SCN3A: variants seen among roughly 807,000 people sequenced by gnomAD.
SCN3A encodes sodium channel protein type 3 subunit alpha.
In SCN3A, 60 loss-of-function variants were observed where a neutral mutation model predicts 187.6. The observed-to-expected ratio is 0.32, with a 90% CI of 0.26 to 0.40. SCN3A has a LOEUF of 0.40. Ranked by LOEUF, SCN3A falls within the 10% of genes least tolerant of loss-of-function variation. SCN3A has a pLI of 1.00. For synonymous variants in SCN3A, 788 were observed against 829.2 expected (o/e 0.95, Z 0.85); for missense variants, 1,601 against 2,428.2 (o/e 0.66, Z 7.16).
At chr2:165,128,756 T>G (rs1687144461) in intron 17 of SCN3A, among the ~76,000 whole-genome samples, 1 of 152,074 alleles carries the variant, frequency 6.6e-6, no homozygotes, top group South Asian at 2.1e-4. Flanking sequence ...GGGTTTAGGC[T>G]AGACCCACAT....
intron 2 of SCN3A, among the ~76,000 whole-genome samples, chr2:165,181,579 T>C (rs546694504): frequency 2.0e-4 from 30 of 152,336 alleles, no homozygotes; most frequent in Non-Finnish European, 3.2e-4. Flanking sequence ...CAAATTCCAA[T>C]TTCCTCTTGA....
At chr2:165,190,906 C>G (rs527843574) in intron 1 of SCN3A, among the ~76,000 whole-genome samples, 7 of 152,048 alleles carry the variant, frequency 4.6e-5, no homozygotes, top group African/African-American at 1.7e-4. Flanking sequence ...GGGCTAACTT[C>G]TTGTTAAAAC....
chr2:165,162,782 A>C lies in SCN3A; in HGVS notation c.741T>G (p.Leu247=). ...ACACAGTCAGGATCATCACATCAGA[A>C]AGCTTCTTTACCGACTGGATCAGGG... The part of the protein sequence containing the change: ...VGALIQSVKK[L]SDVMILTVFC... Residue 247 remains leucine, a synonymous_variant, in exon 8 of 28, where the codon CTT becomes CTG. Coordinates refer to ENST00000283254, the MANE Select transcript of SCN3A (RefSeq NM_006922.4). 6.2e-7 allele frequency: 1 copy of C among 1,614,074 alleles called. No individual in the cohort carries two copies. Among genetic ancestry groups the C allele is most frequent in the Non-Finnish European group, 8.5e-7 (1 of 1,179,994 alleles).
intron 15 of SCN3A, among the ~76,000 whole-genome samples, chr2:165,134,851 T>G (rs959393358): frequency 6.6e-6 from 1 of 152,032 alleles, no homozygotes; most frequent in East Asian, 1.9e-4. Flanking sequence ...AATCTACAAA[T>G]ATCTCTTTCT....
chr2:165,160,540 A>G (rs946902233), intron 9 of SCN3A, among the ~76,000 whole-genome samples: 1 of 152,164 alleles, frequency 6.6e-6, no homozygotes, highest in Non-Finnish European at 1.5e-5. Context: ...TTTATCCAAA[A>G]TTTTATCTGG....
chr2:165,129,856 G>A (rs893708265), intron 17 of SCN3A, 84 bp downstream of exon 17: 1 of 1,533,392 alleles, frequency 6.5e-7, no homozygotes, highest in African/African-American at 1.4e-5. Context: ...CTATAAACCA[G>A]AGATATGTTT....
In SCN3A at chr2:165,088,560, ATATAT is replaced by A. The variant is rs1233241140; in HGVS notation, c.*1585_*1589del. 2 of 152,550 alleles carry A rather than the reference ATATAT, an allele frequency of 1.3e-5. No homozygotes were observed. The highest frequency in any genetic ancestry group is 2.1e-4 in the South Asian group (1 of 4,830). 9.4% of individuals were successfully genotyped at this position (152,550 alleles called of 1,614,324 possible). ...GTATCTCCTATTGGAATGGTAGAAAATATATTATAACAAAGAAATCCATAAAACCC... is the reference window on the plus strand; with the variant it reads ...GTATCTCCTATTGGAATGGTAGAAAATATAACAAAGAAATCCATAAAACCC... On this transcript the variant is annotated 3_prime_UTR_variant, in exon 28 of 28. Transcript: ENST00000283254.
Position 165,145,101 on chromosome 2 carries a change from A to G in SCN3A, c.1671+1638T>C, listed in dbSNP as rs144897280. On this transcript the variant is annotated intron_variant, in intron 12 of 27. Transcript: ENST00000283254. Reference sequence around the variant, plus strand: ...TTTCTATATATTGCTTAGTCCCCTAAATCTCTTTAATGTAGGTATTCTTAC... The same window carrying G: ...TTTCTATATATTGCTTAGTCCCCTAGATCTCTTTAATGTAGGTATTCTTAC... Among the ~76,000 whole-genome samples, 20 of 152,260 alleles carry G rather than the reference A, an allele frequency of 1.3e-4. No homozygotes were observed. In the East Asian group the frequency reaches 3.9e-3, roughly 29 times the overall value.
At chr2:165,096,885 C>A (rs1223360806) in intron 23 of SCN3A, among the ~76,000 whole-genome samples, 1 of 151,932 alleles carries the variant, frequency 6.6e-6, no homozygotes, top group Non-Finnish European at 1.5e-5. Flanking sequence ...AATTATCTGG[C>A]TAATAATTTA....
chr2:165,176,975 A>G (rs1215037016), intron 2 of SCN3A, among the ~76,000 whole-genome samples: 1 of 152,270 alleles, frequency 6.6e-6, no homozygotes, highest in East Asian at 1.9e-4. Context: ...TGAGGATAGA[A>G]AATGAAGTTT....
intron 5 of SCN3A, among the ~76,000 whole-genome samples, chr2:165,167,345 T>A (rs62174952): frequency 6.6e-6 from 1 of 151,768 alleles, no homozygotes; most frequent in African/African-American, 2.4e-5. Context: ...TTACAATAAT[T>A]TCTAGGCAGC....
chr2:165,118,411 G>A (rs1294757637), intron 18 of SCN3A, among the ~76,000 whole-genome samples: 1 of 152,094 alleles, frequency 6.6e-6, no homozygotes, highest in African/African-American at 2.4e-5. Context: ...ATGCTCAGAG[G>A]GAATCTTGGC....
At chr2:165,166,403 T>TCAATTCTGTCTATGTCACAGAA (rs142303654) in intron 5 of SCN3A, among the ~76,000 whole-genome samples, 2 of 151,750 alleles carry the variant, frequency 1.3e-5, no homozygotes, top group African/African-American at 4.8e-5. Context: ...AATCAAGCTG[T>TCAATTCTGTCTATGTCACAGAA]CAATTCTGTC....
At chr2:165,153,285 A>G (rs1011060668) in intron 11 of SCN3A, among the ~76,000 whole-genome samples, 1 of 152,162 alleles carries the variant, frequency 6.6e-6, no homozygotes, top group Non-Finnish European at 1.5e-5. Flanking sequence ...ATGTTATACA[A>G]AAATTAACTA....
intron 9 of SCN3A, among the ~76,000 whole-genome samples, chr2:165,158,756 C>T (rs186062625): frequency 7.3e-6 from 1 of 137,646 alleles, no homozygotes; most frequent in Admixed American, 7.6e-5. Context: ...TTTTTAATCA[C>T]TCAGTAATAT....
chr2:165,100,851 T>C (rs1023381249), intron 21 of SCN3A, among the ~76,000 whole-genome samples: 2 of 152,236 alleles, frequency 1.3e-5, no homozygotes, highest in Admixed American at 6.5e-5. Context: ...GTAATAGCGT[T>C]CACTGATTAG....
chr2:165,169,663 C>T (rs1689989901), intron 4 of SCN3A, among the ~76,000 whole-genome samples: 1 of 151,792 alleles, frequency 6.6e-6, no homozygotes, highest in African/African-American at 2.4e-5. Flanking sequence ...GTTTCATTTG[C>T]CCTGTCTCTA....
chr2:165,127,534 C>G lies in SCN3A; in HGVS notation c.3393+97G>C, dbSNP rs948266006. 4.3e-5 allele frequency: 40 copies of G among 934,922 alleles called. 1 individual carries two copies. In the Admixed American group the frequency reaches 7.0e-4, roughly 16 times the overall value. 57.9% of individuals were successfully genotyped at this position (934,922 alleles called of 1,614,324 possible). On this transcript the variant is annotated intron_variant, in intron 18 of 27. Coordinates refer to ENST00000283254, the MANE Select transcript of SCN3A (RefSeq NM_006922.4). ...TATAGACATATGACTTTCAATATTG[C>G]TTTTTGATAATGCATATAAGCACAA...
intron 2 of SCN3A, among the ~76,000 whole-genome samples, chr2:165,186,316 G>T (rs1490695040): frequency 2.0e-5 from 3 of 151,700 alleles, no homozygotes; most frequent in African/African-American, 7.3e-5. Context: ...AAAAAAAACT[G>T]AGTTAATCTC....
Sources: allele counts gnomAD v4.1 joint callset (sites outside exome capture counted in the v4.1 genomes callset), GRCh38; gene constraint gnomAD v4.1.1; transcripts MANE v1.5; gene names NCBI Gene and HGNC (gene_info 2026-07-23, HGNC 2026-07-21).